PIBF1: variants seen among roughly 807,000 people sequenced by gnomAD.
PIBF1 encodes the protein progesterone-induced-blocking factor 1.
In PIBF1, 90 loss-of-function variants were observed where a neutral mutation model predicts 112.5. That is an observed-to-expected ratio of 0.80 (90% CI 0.67 to 0.95). The LOEUF is 0.95. Ranked by LOEUF, PIBF1 falls within the 40% of genes least tolerant of loss-of-function variation. The pLI is 0.00. For synonymous variants in PIBF1, 301 were observed against 288.6 expected (o/e 1.04, Z -0.44); for missense variants, 915 against 852.3 (o/e 1.07, Z -0.92).
At chr13:72,895,308 T>G (rs1272097253) in intron 11 of PIBF1, among the ~76,000 whole-genome samples, 1 of 149,492 alleles carries the variant, frequency 6.7e-6, no homozygotes, top group Non-Finnish European at 1.5e-5. Flanking sequence ...AATTTATATT[T>G]AAACTTAAAT....
At chr13:72,880,041 T>TAA (rs2039561610) in intron 10 of PIBF1, among the ~76,000 whole-genome samples, 2 of 152,198 alleles carry the variant, frequency 1.3e-5, no homozygotes, top group Admixed American at 6.5e-5. Context: ...CAGCATCAGT[T>TAA]AAGCAGCAGT....
chr13:72,882,740 A>G (rs1001738668), intron 10 of PIBF1, among the ~76,000 whole-genome samples: 1 of 152,200 alleles, frequency 6.6e-6, no homozygotes, highest in Non-Finnish European at 1.5e-5. Flanking sequence ...ACAATGAGAC[A>G]TCGTCTCACC....
At chr13:72,817,206 TAA>T (rs1022716380) in intron 5 of PIBF1, among the ~76,000 whole-genome samples, 7 of 152,242 alleles carry the variant, frequency 4.6e-5, no homozygotes, top group African/African-American at 1.7e-4. Flanking sequence ...GTTCATTTAT[TAA>T]AGATTTATTT....
At chr13:72,943,235 T>A (rs1447421964) in intron 14 of PIBF1, among the ~76,000 whole-genome samples, 2 of 152,066 alleles carry the variant, frequency 1.3e-5, no homozygotes, top group African/African-American at 4.8e-5. Flanking sequence ...GAGAGGGTGG[T>A]TAATGGATGC....
chr13:72,804,051 A>T (rs889475643), intron 5 of PIBF1, among the ~76,000 whole-genome samples: 2 of 152,118 alleles, frequency 1.3e-5, no homozygotes, highest in African/African-American at 4.8e-5. Flanking sequence ...GCATATATAT[A>T]CTTATTGTTG....
At chr13:72,960,106 G>A (rs551938187) in intron 14 of PIBF1, among the ~76,000 whole-genome samples, 2 of 152,214 alleles carry the variant, frequency 1.3e-5, no homozygotes, top group South Asian at 2.1e-4. Context: ...GGATTTAGAA[G>A]CCTACAAACA....
intron 5 of PIBF1, among the ~76,000 whole-genome samples, chr13:72,804,118 AG>A (rs1200321486): frequency 6.6e-6 from 1 of 152,186 alleles, no homozygotes; most frequent in Non-Finnish European, 1.5e-5. Flanking sequence ...GGAAGTAGCA[AG>A]AAAATTTCGA....
At position 72,828,002 on chromosome 13, in the gene PIBF1, A is replaced by AT. The variant is rs547485417; in HGVS notation, c.1097+95dup. On this transcript the variant is annotated intron_variant, in intron 8 of 17. Transcript: ENST00000326291. Reference sequence around the variant, plus strand: ...TCTTGGCTTTGGGGAAGATTTAGTGATTTTTTTAAGGTCTATTCTATATGA... The same window carrying AT: ...TCTTGGCTTTGGGGAAGATTTAGTGATTTTTTTTAAGGTCTATTCTATATGA... 860 of 836,774 alleles carry AT rather than the reference A, an allele frequency of 1.0e-3. 1 individual carries two copies. The highest frequency in any genetic ancestry group is 1.2e-3 in the Non-Finnish European group (717 of 576,950). 51.8% of individuals were successfully genotyped at this position (836,774 alleles called of 1,614,324 possible).
intron 16 of PIBF1, chr13:72,973,934 C>G: frequency 2.3e-6 from 1 of 436,268 alleles, no homozygotes; most frequent in Non-Finnish European, 4.0e-6. Flanking sequence ...TCTGTTTTAT[C>G]TTATTCTGCA....
At chr13:72,981,699 G>A (rs1467010030) in intron 16 of PIBF1, among the ~76,000 whole-genome samples, 1 of 152,144 alleles carries the variant, frequency 6.6e-6, no homozygotes, top group Non-Finnish European at 1.5e-5. Flanking sequence ...ACTTATAGTA[G>A]TACCATTCTG....
intron 12 of PIBF1, among the ~76,000 whole-genome samples, chr13:72,914,851 A>T (rs759116859): frequency 4.6e-5 from 7 of 152,140 alleles, no homozygotes; most frequent in Non-Finnish European, 1.0e-4. Flanking sequence ...AAACGCTGGG[A>T]TTATAGGCAT....
At chr13:72,791,582 G>A (rs143059731) in intron 2 of PIBF1, among the ~76,000 whole-genome samples, 64 of 152,216 alleles carry the variant, frequency 4.2e-4, no homozygotes, top group African/African-American at 1.4e-3. Context: ...ACAGTGTTTA[G>A]AATTTATTCT....
chr13:72,974,712 T>C (rs759357039), intron 16 of PIBF1, among the ~76,000 whole-genome samples: 10 of 152,244 alleles, frequency 6.6e-5, no homozygotes, highest in Non-Finnish European at 1.3e-4. Flanking sequence ...TATGGACATT[T>C]GAGTTGTTTC....
At chr13:72,893,698 T>G in intron 10 of PIBF1, 86 bp from the exon 11 acceptor site, 1 of 721,562 alleles carries the variant, frequency 1.4e-6, no homozygotes, top group Non-Finnish European at 2.1e-6. Context: ...TATGGGGGAG[T>G]AGAAAACATA....
intron 6 of PIBF1, among the ~76,000 whole-genome samples, chr13:72,823,210 A>T (rs779788673): frequency 7.2e-5 from 11 of 152,234 alleles, no homozygotes; most frequent in Non-Finnish European, 1.2e-4. Context: ...GACAGATACA[A>T]TATAAAAAGA....
In PIBF1 at chr13:72,971,687, C is replaced by CGTAT. The variant is rs2042896063; in HGVS notation, c.1965-1904_1965-1903insGTAT. On this transcript the variant is annotated intron_variant, in intron 15 of 17. Coordinates refer to ENST00000326291, the MANE Select transcript of PIBF1 (RefSeq NM_006346.4). ...TATAATCATTCACATAGTCCTTTGA[C>CGTAT]ATACATGAGTATTATGTTCTACTTT... Among the ~76,000 whole-genome samples, 6 of 152,228 alleles carry CGTAT rather than the reference C, an allele frequency of 3.9e-5. No homozygotes were observed. The South Asian group carries it at 1.2e-3, about 32-fold the overall frequency.
At chr13:72,969,844 G>A (rs994118648) in intron 15 of PIBF1, 1 of 152,196 alleles carries the variant, frequency 6.6e-6, no homozygotes, top group African/African-American at 2.4e-5. Flanking sequence ...GCTTTGGCAT[G>A]TAGGAGAATC....
At chr13:72,850,913 A>C (rs1015032599) in intron 9 of PIBF1, among the ~76,000 whole-genome samples, 5 of 152,336 alleles carry the variant, frequency 3.3e-5, no homozygotes, top group Middle Eastern at 3.4e-3. Context: ...TTAGTAACCC[A>C]CAAAAGTAGT....
intron 15 of PIBF1, among the ~76,000 whole-genome samples, chr13:72,968,858 T>A (rs1310982070): frequency 6.6e-6 from 1 of 151,718 alleles, no homozygotes; most frequent in Non-Finnish European, 1.5e-5. Flanking sequence ...GGCAAAACCA[T>A]GTTTGGTTTT....
Sources: allele counts gnomAD v4.1 joint callset (sites outside exome capture counted in the v4.1 genomes callset), GRCh38; gene constraint gnomAD v4.1.1; transcripts MANE v1.5; gene names NCBI Gene and HGNC (gene_info 2026-07-23, HGNC 2026-07-21).